The following CUX1 variants were observed in gnomAD, a reference collection of about 807,000 sequenced individuals.
CUX1 encodes the protein cut like homeobox 1.
In CUX1, 31 loss-of-function variants were observed where a neutral mutation model predicts 158.8. The ratio of observed to expected loss-of-function variants is 0.20; its 90% CI spans 0.15 to 0.26. The LOEUF (loss-of-function observed/expected upper bound fraction) is 0.26, where lower values mean the gene tolerates loss of function less well. CUX1 is among the 10% of genes least tolerant of loss of function. The probability of loss-of-function intolerance (pLI) is 1.00; values close to 1 mark genes in which losing one functional copy is unlikely to be tolerated. For synonymous variants in CUX1, 879 were observed against 862.1 expected, an observed-to-expected ratio of 1.02 and a Z score of -0.34; for missense variants, 1,589 against 2,014.6, an observed-to-expected ratio of 0.79 and a Z score of 4.04.
At position 102,271,971 on chromosome 7, in the gene CUX1, G is replaced by A. The variant is rs552472312; in HGVS notation, c.1256-1395G>A. 3.9e-5 allele frequency among the ~76,000 whole-genome samples: 6 copies of A among 152,328 alleles called. No individual in the cohort carries two copies. The South Asian group carries it at 8.3e-4, about 21-fold the overall frequency. On this transcript the variant is annotated intron_variant, in intron 14 of 22. Coordinates refer to the CUX1 transcript ENST00000292538. Reference sequence around the variant, plus strand: ...TTGGAGGCGGAGGTTGCAGTGAGCCGAGATGGAGCCACTGCACTCCAGCCT... The same window carrying A: ...TTGGAGGCGGAGGTTGCAGTGAGCCAAGATGGAGCCACTGCACTCCAGCCT...
chr7:101,842,627 C>T (rs1380510198), intron 1 of CUX1, among the ~76,000 whole-genome samples: 1 of 152,100 alleles, frequency 6.6e-6, no homozygotes, highest in Admixed American at 6.5e-5. Context: ...CTCAAGTGAT[C>T]CTCTTGCCTC....
intron 1 of CUX1, among the ~76,000 whole-genome samples, chr7:101,896,004 A>G (rs1014175235): frequency 2.1e-5 from 3 of 140,044 alleles, no homozygotes; most frequent in Non-Finnish European, 4.5e-5. Context: ...CAACCTCCCC[A>G]GACTCCCAAG....
In CUX1 at chr7:101,921,700, G is replaced by A. The variant is rs944004353; in HGVS notation, c.141+5475G>A. ...TGGTCTTGAACTCCTGACTTCAGGTGATCCACCCGCCTCGGCCTCCCGAAG... is the reference window on the plus strand; with the variant it reads ...TGGTCTTGAACTCCTGACTTCAGGTAATCCACCCGCCTCGGCCTCCCGAAG... On this transcript the variant is annotated intron_variant, in intron 2 of 23. Coordinates refer to ENST00000292535, the MANE Select transcript of CUX1 (RefSeq NM_181552.4). Among the ~76,000 whole-genome samples, 3 of 152,092 alleles carry A rather than the reference G, an allele frequency of 2.0e-5. No homozygotes were observed. In the South Asian group the frequency reaches 6.2e-4, roughly 32 times the overall value.
At chr7:102,213,112 G>A (rs1285109187) in intron 20 of CUX1, among the ~76,000 whole-genome samples, 1 of 152,206 alleles carries the variant, frequency 6.6e-6, no homozygotes, top group African/African-American at 2.4e-5. Flanking sequence ...CCAAAGTGCT[G>A]GGGTTACAGG....
At position 102,256,022 on chromosome 7, in the gene CUX1, C is replaced by A; in HGVS notation, c.*6980C>A. The A allele has an allele frequency of 1.0e-6, 1 of 985,440 alleles. No homozygotes were observed. The highest frequency in any genetic ancestry group is 1.7e-5 in the African/African-American group (1 of 57,360). The allele number at this position is 985,440 out of a possible 1,614,324, so 61.0% of individuals were successfully genotyped here. On this transcript the variant is annotated 3_prime_UTR_variant, in exon 24 of 24. Coordinates refer to ENST00000292535, the MANE Select transcript of CUX1 (RefSeq NM_181552.4). ...ATGAATGAGTTTGTTCACTGTAGTT[C>A]CGTTTGTTCATGAACCGAAGGGAAA...
At chr7:102,233,179 T>C (rs1284327147) in intron 21 of CUX1, among the ~76,000 whole-genome samples, 7 of 134,392 alleles carry the variant, frequency 5.2e-5, no homozygotes, top group Admixed American at 1.9e-4. Flanking sequence ...GGCTTTTTTT[T>C]TTCCTTTTTT....
chr7:102,090,369 T>G (rs972880074), intron 4 of CUX1, among the ~76,000 whole-genome samples: 25 of 148,000 alleles, frequency 1.7e-4, no homozygotes, highest in Non-Finnish European at 2.5e-4. Flanking sequence ...ATGATACCGT[T>G]TTTTTTTTTG....
intron 1 of CUX1, among the ~76,000 whole-genome samples, chr7:101,827,819 A>G (rs1793521757): frequency 6.6e-6 from 1 of 152,122 alleles, no homozygotes; most frequent in South Asian, 2.1e-4. Context: ...TATAGAATGG[A>G]TCATCATAAA....
At chr7:102,163,333 TA>T (rs3216522) in intron 9 of CUX1, among the ~76,000 whole-genome samples, 45,073 of 146,736 alleles carry the variant, frequency 0.31, 7,010 homozygotes, top group Middle Eastern at 0.37. Context: ...CAAAAAAGTT[TA>T]AAAAAAAAAA....
chr7:102,152,394 C>G lies in CUX1; in HGVS notation c.675-6166C>G, dbSNP rs1287384603. Among the ~76,000 whole-genome samples the G allele has an allele frequency of 2.6e-5, 4 of 152,100 alleles. No homozygotes were observed. The East Asian group carries it at 7.7e-4, about 29-fold the overall frequency. The stretch of plus-strand genomic sequence containing the variant: ...AATTCTCAGAAAAATGAGTAACAAA[C>G]ATACAGATTTTTGTTTGTTTGTTTT... On this transcript the variant is annotated intron_variant, in intron 8 of 23. Coordinates refer to ENST00000292535, the MANE Select transcript of CUX1 (RefSeq NM_181552.4).
chr7:102,216,550 ACACACG>A (rs1797096615), intron 20 of CUX1, among the ~76,000 whole-genome samples: 1 of 46,480 alleles, frequency 2.2e-5, no homozygotes, highest in African/African-American at 7.5e-5. Context: ...ACACACACCC[ACACACG>A]CACACACACT....
intron 23 of CUX1, among the ~76,000 whole-genome samples, chr7:102,242,076 C>T (rs1800286494): frequency 6.6e-6 from 1 of 152,160 alleles, no homozygotes; most frequent in South Asian, 2.1e-4. Context: ...AGTGGAGGTC[C>T]CTCTACTTGG....
intron 1 of CUX1, among the ~76,000 whole-genome samples, chr7:101,859,208 C>T (rs2131342587): frequency 6.6e-6 from 1 of 152,298 alleles, no homozygotes; most frequent in African/African-American, 2.4e-5. Flanking sequence ...CCTAGAGTAA[C>T]TCAGCAAAGG....
At chr7:102,039,999 G>A (rs1048735313) in intron 3 of CUX1, among the ~76,000 whole-genome samples, 2 of 152,126 alleles carry the variant, frequency 1.3e-5, no homozygotes, top group African/African-American at 2.4e-5. Context: ...CATGCAGGAC[G>A]TGCTCTCGGA....
At chr7:101,900,174 C>T (rs1372431698) in intron 1 of CUX1, among the ~76,000 whole-genome samples, 2 of 152,194 alleles carry the variant, frequency 1.3e-5, no homozygotes, top group Non-Finnish European at 2.9e-5. Context: ...GCCGGTGTCC[C>T]TCATGTCCAG....
chr7:102,211,376 G>C (rs1554523094), intron 20 of CUX1, among the ~76,000 whole-genome samples: 1 of 152,064 alleles, frequency 6.6e-6, no homozygotes, highest in Non-Finnish European at 1.5e-5. Context: ...AACCCAGGAG[G>C]TGGAGGCTGC....
At chr7:102,067,946 G>A (rs922257803) in intron 3 of CUX1, among the ~76,000 whole-genome samples, 17 of 151,876 alleles carry the variant, frequency 1.1e-4, no homozygotes, top group African/African-American at 3.9e-4. Flanking sequence ...GTTTGAACCC[G>A]GGAGGTGGAG....
intron 1 of CUX1, among the ~76,000 whole-genome samples, chr7:101,836,017 C>T (rs116687609): frequency 4.7e-4 from 71 of 152,326 alleles, no homozygotes; most frequent in African/African-American, 1.3e-3. Context: ...CGCGAGCCAC[C>T]GCGCCCAGTT....
Position 102,253,769 on chromosome 7 carries a change from C to T in CUX1, c.*4727C>T. 1.0e-6 allele frequency: 1 copy of T among 985,488 alleles called. No individual in the cohort carries two copies. Among genetic ancestry groups the T allele is most frequent in the African/African-American group, 1.7e-5 (1 of 57,368 alleles). 61.0% of individuals were successfully genotyped at this position (985,488 alleles called of 1,614,324 possible). A position where few individuals can be genotyped will look rare whatever the true frequency, so the allele number is the denominator to read the frequency against. ...ACTCATCCCAAGGCCGACAAGCCAG[C>T]TGTACAGGGCGAGATGTAGCAACAC... On this transcript the variant is annotated 3_prime_UTR_variant, in exon 24 of 24. Transcript: ENST00000292535.
Sources: gnomAD v4.1 joint callset for allele counts (sites outside exome capture counted in the v4.1 genomes callset) on GRCh38, gnomAD v4.1.1 for gene constraint, MANE v1.5 for transcripts, NCBI Gene and HGNC (gene_info 2026-07-23, HGNC 2026-07-21) for gene names.